Variants in ADD2 observed in about 807,000 individuals in gnomAD.
ADD2 encodes the protein adducin 2.
ADD2 carries 23 observed loss-of-function variants against 83.0 expected under a neutral mutation model. The observed-to-expected ratio is 0.28, with a 90% CI of 0.20 to 0.39. The LOEUF (loss-of-function observed/expected upper bound fraction) is 0.39. Ranked by LOEUF, ADD2 falls within the 10% of genes least tolerant of loss-of-function variation. The probability of loss-of-function intolerance (pLI) is 1.00; values close to 1 mark genes in which losing one functional copy is unlikely to be tolerated. For synonymous variants in ADD2, 375 were observed against 375.4 expected (o/e 1.00, Z 0.01); for missense variants, 758 against 944.9 (o/e 0.80, Z 2.59).
At chr2:70,736,911 G>A (rs1461594560) in intron 1 of ADD2, among the ~76,000 whole-genome samples, 2 of 152,218 alleles carry the variant, frequency 1.3e-5, no homozygotes, top group East Asian at 1.9e-4. Context: ...AAAAGTGGGT[G>A]AAGGATATGA....
At chr2:70,711,462 G>A (rs1672174140) in intron 2 of ADD2, among the ~76,000 whole-genome samples, 1 of 152,134 alleles carries the variant, frequency 6.6e-6, no homozygotes, top group Non-Finnish European at 1.5e-5. Flanking sequence ...AGTGGGGAGA[G>A]GGGCTAGAGA....
At chr2:70,766,817 G>A (rs529334429) in intron 1 of ADD2, among the ~76,000 whole-genome samples, 2 of 152,356 alleles carry the variant, frequency 1.3e-5, no homozygotes, top group African/African-American at 2.4e-5. Flanking sequence ...ATCTGAGTCA[G>A]TTGAATCTTA....
In ADD2 at chr2:70,672,878, C is replaced by G. The variant is rs782173852; in HGVS notation, c.1870G>C (p.Glu624Gln). ...PLVSPSKSLE[E>Q]GTKKTETSKA... is the part of the protein sequence containing the mutation. ...TCCCAGCCTACTCAGCTGGACTCAC[C>G]CTCTAAAGACTTGGAAGGAGAGACT... The change falls in exon 15 of 16, where the codon GAA (glutamate) becomes CAA (glutamine). Residue 624 changes from glutamate (E) to glutamine (Q), a missense_variant and splice_region_variant. By Grantham distance (29) the Glu-to-Gln change is conservative. This residue lies in a region of ADD2 where 165 missense variants were observed against 176.2 expected (regional missense o/e 0.94). Transcript: ENST00000264436. The G allele has an allele frequency of 6.2e-6, 10 of 1,611,174 alleles. No homozygotes were observed. Among genetic ancestry groups the G allele is most frequent in the Non-Finnish European group, 8.5e-6 (10 of 1,179,024 alleles).
chr2:70,689,114 G>A (rs1670894473), intron 8 of ADD2, among the ~76,000 whole-genome samples: 1 of 152,142 alleles, frequency 6.6e-6, no homozygotes, highest in South Asian at 2.1e-4. Flanking sequence ...ACCAAAAACG[G>A]AAAGTCTCTC....
chr2:70,761,249 A>G (rs1417517581), intron 1 of ADD2, among the ~76,000 whole-genome samples: 1 of 151,032 alleles, frequency 6.6e-6, no homozygotes, highest in African/African-American at 2.4e-5. Context: ...TTTAAAGACA[A>G]TAATCTGGAT....
intron 1 of ADD2, 33 bp from the exon 2 acceptor site, chr2:70,713,217 C>A: frequency 3.4e-6 from 3 of 881,314 alleles, no homozygotes; most frequent in Non-Finnish European, 4.1e-6. Context: ...GTGTCAGGGC[C>A]TGCACCACCA....
rs1232087368 is a variant in ADD2, at chr2:70,659,783, A to G, written c.*3642T>C. On this transcript the variant is annotated 3_prime_UTR_variant, in exon 16 of 16. Transcript: ENST00000264436. ...CTGTTGGGTGCAGCCAACACTACGC[A>G]AGGAGCCGTTGGAGCCAAGCCTGTC... 6.6e-6 allele frequency: 1 copy of G among 152,142 alleles called. No individual in the cohort carries two copies. The highest frequency in any genetic ancestry group is 2.4e-5 in the African/African-American group (1 of 41,400). The allele number at this position is 152,142 out of a possible 1,614,324, so 9.4% of individuals were successfully genotyped here.
chr2:70,693,699 G>A (rs1472752198), intron 6 of ADD2, among the ~76,000 whole-genome samples: 1 of 152,216 alleles, frequency 6.6e-6, no homozygotes, highest in Non-Finnish European at 1.5e-5. Flanking sequence ...CCCAAGTGTG[G>A]AGTGCTGCCC....
chr2:70,675,267 T>G (rs1670076214), intron 13 of ADD2: 1 of 1,002,824 alleles, frequency 1.0e-6, no homozygotes, highest in South Asian at 4.4e-5. Context: ...CCCACAGCAG[T>G]GCAAGCCACA....
At chr2:70,764,012 C>T (rs957372814) in intron 1 of ADD2, among the ~76,000 whole-genome samples, 23 of 151,456 alleles carry the variant, frequency 1.5e-4, no homozygotes, top group Non-Finnish European at 2.8e-4. Flanking sequence ...CTCAGCCTCC[C>T]GAGTAGCTGA....
At chr2:70,767,650 G>C in intron 1 of ADD2, 1 of 1,335,184 alleles carries the variant, frequency 7.5e-7, no homozygotes, top group Non-Finnish European at 9.5e-7. Flanking sequence ...TCCCCAAGCA[G>C]GGGCCAGTGC....
At chr2:70,679,702 A>G (rs1302192866) in intron 10 of ADD2, among the ~76,000 whole-genome samples, 2 of 152,094 alleles carry the variant, frequency 1.3e-5, no homozygotes, top group Non-Finnish European at 2.9e-5. Flanking sequence ...AAAATTAAAA[A>G]AAATAAGGAA....
In ADD2 at chr2:70,706,455, G is replaced by C. The variant is rs1553374528; in HGVS notation, c.-34-13C>G. The C allele has an allele frequency of 6.4e-7, 1 of 1,567,928 alleles. No individual in the cohort carries two copies. The highest frequency in any genetic ancestry group is 1.7e-5 in the Admixed American group (1 of 57,358). On this transcript the variant is annotated splice_polypyrimidine_tract_variant and intron_variant, in intron 2 of 15. Transcript: ENST00000264436. The surrounding 1 kb of genome is among the most constrained non-coding windows in gnomAD (Gnocchi z 5.0). ...CGCTCCTGGAACTCTACAGAGAAGG[G>C]GAGAGGGTATGCGGTCAGGTTGGTG...
intron 1 of ADD2, among the ~76,000 whole-genome samples, chr2:70,735,557 A>T (rs1209693323): frequency 1.3e-5 from 2 of 151,866 alleles, no homozygotes; most frequent in Non-Finnish European, 2.9e-5. Context: ...CCTCTGCCCC[A>T]GCCTGCTTGC....
intron 15 of ADD2, among the ~76,000 whole-genome samples, chr2:70,664,905 T>A (rs1450626716): frequency 6.6e-6 from 1 of 151,690 alleles, no homozygotes; most frequent in Non-Finnish European, 1.5e-5. Flanking sequence ...GGTATATGAG[T>A]GTGGGAGTGA....
chr2:70,728,823 T>C (rs1673141997), intron 1 of ADD2, among the ~76,000 whole-genome samples: 1 of 152,208 alleles, frequency 6.6e-6, no homozygotes, highest in Non-Finnish European at 1.5e-5. Flanking sequence ...ACACCTTCCT[T>C]GAGGGCTTGC....
chr2:70,695,646 G>T, intron 6 of ADD2, 75 bp downstream of exon 6: 3 of 1,394,654 alleles, frequency 2.2e-6, no homozygotes, highest in Non-Finnish European at 3.0e-6. Context: ...ATTTGGAGAT[G>T]ACCTAGCACT....
At chr2:70,665,749 CCTT>C (rs1675760651) in intron 15 of ADD2, among the ~76,000 whole-genome samples, 1 of 152,142 alleles carries the variant, frequency 6.6e-6, no homozygotes, top group African/African-American at 2.4e-5. Context: ...GTTTATCACT[CCTT>C]CCTTTCTGCC....
chr2:70,693,857 C>T (rs1266479864), intron 6 of ADD2, among the ~76,000 whole-genome samples: 1 of 152,026 alleles, frequency 6.6e-6, no homozygotes, highest in East Asian at 1.9e-4. Context: ...ACCTCCACAG[C>T]CTAATACAGC....
Sources: allele counts gnomAD v4.1 joint callset (sites outside exome capture counted in the v4.1 genomes callset), GRCh38; gene constraint gnomAD v4.1.1; regional missense constraint gnomAD v4.1.1; non-coding constraint Gnocchi (gnomAD v3.1); transcripts MANE v1.5; gene names NCBI Gene and HGNC (gene_info 2026-07-23, HGNC 2026-07-21).